Variants in TPST2 observed in about 807,000 individuals in gnomAD.
TPST2 encodes protein-tyrosine sulfotransferase 2.
Under a neutral mutation model 27.8 loss-of-function variants are expected in TPST2, and 16 were observed. The ratio of observed to expected loss-of-function variants is 0.58; its 90% confidence interval spans 0.39 to 0.88. TPST2 has a LOEUF of 0.88. TPST2 is among the 40% of genes least tolerant of loss of function. The probability of loss-of-function intolerance (pLI) is 0.00; values close to 1 mark genes in which losing one functional copy is unlikely to be tolerated. For synonymous variants in TPST2, 229 were observed against 231.7 expected (o/e 0.99, Z 0.10); for missense variants, 464 against 543.1 (o/e 0.85, Z 1.45).
intron 1 of TPST2, among the ~76,000 whole-genome samples, chr22:26,566,789 T>C (rs890134410): frequency 1.8e-4 from 28 of 151,416 alleles, no homozygotes; most frequent in African/African-American, 6.8e-4. Context: ...ACAAACAAAC[T>C]CCTTAAGGCC....
At chr22:26,587,272 C>G (rs1273412507) in intron 1 of TPST2, among the ~76,000 whole-genome samples, 1 of 152,142 alleles carries the variant, frequency 6.6e-6, no homozygotes, top group East Asian at 1.9e-4. Flanking sequence ...TTCCTTTCAC[C>G]CCCTCCTAAT....
chr22:26,587,629 C>T (rs977287023), intron 1 of TPST2, among the ~76,000 whole-genome samples: 5 of 152,106 alleles, frequency 3.3e-5, no homozygotes, highest in East Asian at 1.9e-4. Context: ...TGTGAGCCTC[C>T]GTGCCCGGCC....
chr22:26,561,899 T>C (rs1365472798), intron 1 of TPST2, among the ~76,000 whole-genome samples: 1 of 152,200 alleles, frequency 6.6e-6, no homozygotes, highest in Non-Finnish European at 1.5e-5. Flanking sequence ...GGAACATCTT[T>C]GCCAAGGTCC....
At chr22:26,562,650 C>T (rs1927171244) in intron 1 of TPST2, among the ~76,000 whole-genome samples, 1 of 148,434 alleles carries the variant, frequency 6.7e-6, no homozygotes, top group South Asian at 2.1e-4. Context: ...TTGAGACTGA[C>T]TCTCACTATG....
chr22:26,544,460 C>A (rs1461701005), intron 2 of TPST2, 144 bp downstream of exon 2: 3 of 217,314 alleles, frequency 1.4e-5, no homozygotes, highest in Admixed American at 6.5e-5. Flanking sequence ...TTCCAACCTG[C>A]TGGCTGAACA....
intron 1 of TPST2, among the ~76,000 whole-genome samples, chr22:26,571,798 T>C (rs1415171761): frequency 6.6e-6 from 1 of 152,154 alleles, no homozygotes; most frequent in Non-Finnish European, 1.5e-5. Flanking sequence ...ATCATGAACC[T>C]CTTCCTCCCC....
intron 1 of TPST2, among the ~76,000 whole-genome samples, chr22:26,586,374 C>T (rs886350832): frequency 2.6e-5 from 4 of 152,076 alleles, no homozygotes; most frequent in African/African-American, 7.2e-5. Context: ...CTCAGCCTCC[C>T]GGCTATCTGG....
intron 3 of TPST2, among the ~76,000 whole-genome samples, chr22:26,538,377 T>A (rs1473962456): frequency 6.6e-6 from 1 of 152,242 alleles, no homozygotes. Context: ...GACTTTATGG[T>A]GCAGAAATGA....
At position 26,524,471 on chromosome 22, in the gene TPST2, T is replaced by A. The variant is rs1924724152; in HGVS notation, c.*1804A>T. ...GCAGTGAGCTATGATCACGCCACTG[T>A]ACTCTAGCCTGAGTGACAGAGCGAG... On this transcript the variant is annotated 3_prime_UTR_variant, in exon 7 of 7. Coordinates refer to ENST00000338754, the MANE Select transcript of TPST2 (RefSeq NM_003595.5). 1 of 152,246 alleles carries A rather than the reference T, an allele frequency of 6.6e-6. No individual in the cohort carries two copies. Among genetic ancestry groups the A allele is most frequent in the Admixed American group, 6.6e-5 (1 of 15,264 alleles). The allele number at this position is 152,246 out of a possible 1,614,324, so 9.4% of individuals were successfully genotyped here. A position where few individuals can be genotyped will look rare whatever the true frequency, so the allele number is the denominator to read the frequency against.
chr22:26,580,180 G>C (rs1407994817), intron 1 of TPST2, among the ~76,000 whole-genome samples: 1 of 152,108 alleles, frequency 6.6e-6, no homozygotes, highest in East Asian at 1.9e-4. Flanking sequence ...GGAGTTCAAG[G>C]CTGCAATGCT....
chr22:26,528,656 T>A (rs1034899735), intron 5 of TPST2, among the ~76,000 whole-genome samples: 1 of 152,172 alleles, frequency 6.6e-6, no homozygotes, highest in Non-Finnish European at 1.5e-5. Flanking sequence ...TCCTGGCACA[T>A]AGCTCCCCAA....
intron 1 of TPST2, among the ~76,000 whole-genome samples, chr22:26,573,436 C>T (rs1314087266): frequency 6.6e-6 from 1 of 152,232 alleles, no homozygotes; most frequent in Non-Finnish European, 1.5e-5. Context: ...CAAGATGTGA[C>T]TCTAGAGTAT....
chr22:26,536,621 G>A, intron 3 of TPST2, 135 bp from the exon 4 acceptor site: 1 of 751,550 alleles, frequency 1.3e-6, no homozygotes, highest in Non-Finnish European at 2.0e-6. Context: ...CCCATCAACT[G>A]TGAGATGGCA....
At chr22:26,539,861 C>T (rs1925697120) in intron 3 of TPST2, among the ~76,000 whole-genome samples, 1 of 152,202 alleles carries the variant, frequency 6.6e-6, no homozygotes, top group Non-Finnish European at 1.5e-5. Context: ...AGCCTGAGGC[C>T]AGTAACTTCT....
At position 26,536,438 on chromosome 22, in the gene TPST2, C is replaced by A; in HGVS notation, c.891G>T (p.Ala297=). The A allele has an allele frequency of 1.9e-6, 3 of 1,561,084 alleles. No homozygotes were observed. Among genetic ancestry groups the A allele is most frequent in the Non-Finnish European group, 2.6e-6 (3 of 1,152,372 alleles). The change falls in exon 4 of 7, where the codon GCG becomes GCT. Residue 297 remains alanine (A), a synonymous_variant. Transcript: ENST00000338754. ...GGATGTGGCCAGTCCACTTGGAGAG[C>A]GCTTCCAGGTTAACAGGCTTGATGA... ...DQVIKPVNLE[A]LSKWTGHIPG...
chr22:26,586,544 C>T (rs868810807), intron 1 of TPST2, among the ~76,000 whole-genome samples: 21 of 152,266 alleles, frequency 1.4e-4, no homozygotes, highest in African/African-American at 4.3e-4. Flanking sequence ...GCCATGCACC[C>T]GGCCTAGGCT....
intron 1 of TPST2, among the ~76,000 whole-genome samples, chr22:26,551,318 T>A (rs1374341458): frequency 6.6e-6 from 1 of 152,214 alleles, no homozygotes; most frequent in Admixed American, 6.5e-5. Context: ...AAAAAAACAT[T>A]AGTTCAGACT....
At position 26,557,692 on chromosome 22, in the gene TPST2, GAA is replaced by G. The variant is rs1774915267; in HGVS notation, c.-160-13019_-160-13018del. On this transcript the variant is annotated intron_variant, in intron 1 of 6. Coordinates refer to ENST00000338754, the MANE Select transcript of TPST2 (RefSeq NM_003595.5). ...AGGCTCTCTCTGGTGTAGGATGCCTGAAAAGACAAGGGCTGGAGGCCAAGTGA... is the reference window on the plus strand; with the variant it reads ...AGGCTCTCTCTGGTGTAGGATGCCTGAAGACAAGGGCTGGAGGCCAAGTGA... Among the ~76,000 whole-genome samples the G allele has an allele frequency of 2.7e-5, 4 of 150,700 alleles. No individual in the cohort carries two copies. In the Admixed American group the frequency reaches 2.7e-4, roughly 10 times the overall value.
chr22:26,561,167 T>C, intron 1 of TPST2: 1 of 1,585,038 alleles, frequency 6.3e-7, no homozygotes, highest in Non-Finnish European at 8.5e-7. Flanking sequence ...AATAAGTTGG[T>C]TCTAGCGCAG....
Sources: gnomAD v4.1 joint callset for allele counts (sites outside exome capture counted in the v4.1 genomes callset) on GRCh38, gnomAD v4.1.1 for gene constraint, MANE v1.5 for transcripts, NCBI Gene and HGNC (gene_info 2026-07-23, HGNC 2026-07-21) for gene names.